The following LPAR2 variants were observed in gnomAD, a reference collection of about 807,000 sequenced individuals.
LPAR2 encodes lysophosphatidic acid receptor 2, also known as G protein-coupled receptor.
In LPAR2, 10 loss-of-function variants were observed where a neutral mutation model predicts 15.6. That is an observed-to-expected ratio of 0.64 (90% confidence interval 0.39 to 1.09). The LOEUF (loss-of-function observed/expected upper bound fraction) is 1.09, where lower values mean the gene tolerates loss of function less well. Ranked by LOEUF, LPAR2 falls within the 50% of genes least tolerant of loss-of-function variation. LPAR2 has a pLI of 0.01. For missense variants in LPAR2, 413 were observed against 484.6 expected (o/e 0.85, Z 1.39); for synonymous variants, 204 against 207.4 (o/e 0.98, Z 0.14).
chr19:19,625,118 C>G (rs912418240), intron 2 of LPAR2, among the ~76,000 whole-genome samples: 1 of 151,912 alleles, frequency 6.6e-6, no homozygotes, highest in Admixed American at 6.6e-5. Flanking sequence ...CTGCGCCTGG[C>G]CTGTGTGTTT....
intron 2 of LPAR2, 101 bp from the exon 3 acceptor site, chr19:19,624,670 G>C: frequency 1.1e-6 from 1 of 945,964 alleles, no homozygotes; most frequent in Non-Finnish European, 1.6e-6. Context: ...TCGAGCAATA[G>C]TGGTGAAGTT....
At chr19:19,625,142 G>A (rs1346706741) in intron 2 of LPAR2, among the ~76,000 whole-genome samples, 1 of 151,792 alleles carries the variant, frequency 6.6e-6, no homozygotes, top group Non-Finnish European at 1.5e-5. Flanking sequence ...TTTGAGACAG[G>A]GTCTCCTTCT....
chr19:19,626,420 T>G lies in LPAR2; in HGVS notation c.742+123A>C, dbSNP rs961931842. 8.0e-7 allele frequency: 1 copy of G among 1,242,708 alleles called. No individual in the cohort carries two copies. The allele number at this position is 1,242,708 out of a possible 1,614,324, so 77.0% of individuals were successfully genotyped here. Reference sequence around the variant, plus strand: ...ACATTATCACCTCCTTGGAGGACATTCCCCACCTAAATCATCCCCCATCAC... The same window carrying G: ...ACATTATCACCTCCTTGGAGGACATGCCCCACCTAAATCATCCCCCATCAC... On this transcript the variant is annotated intron_variant, in intron 2 of 2. Transcript: ENST00000407877. This position sits in a 1 kb window ranked among gnomAD's most constrained non-coding sequence, Gnocchi z 5.3.
In LPAR2 at chr19:19,626,649, G is replaced by T; in HGVS notation, c.636C>A (p.Phe212Leu). The stretch of plus-strand genomic sequence containing the variant: ...GCTGCACTCGCCGCCGCACGTAGAA[G>T]AAAATGCGGGTGTACACAGCCACCA... The change falls in exon 2 of 3, where the codon TTC becomes TTA. Residue 212 changes from phenylalanine (F) to leucine (L), a missense_variant. By Grantham distance (22) the Phe-to-Leu change is conservative. Transcript: ENST00000407877. The surrounding 1 kb of genome is among the most constrained non-coding windows in gnomAD (Gnocchi z 5.3). 6.2e-7 allele frequency: 1 copy of T among 1,613,460 alleles called. No individual in the cohort carries two copies. Among genetic ancestry groups the T allele is most frequent in the Non-Finnish European group, 8.5e-7 (1 of 1,180,042 alleles).
At chr19:19,625,723 C>T (rs1384334791) in intron 2 of LPAR2, among the ~76,000 whole-genome samples, 1 of 142,700 alleles carries the variant, frequency 7.0e-6, no homozygotes, top group Non-Finnish European at 1.5e-5. Flanking sequence ...GCAGAAGTTG[C>T]AGTGAGCCGA....
rs776645864 is a variant in LPAR2 at position 19,627,031 on chromosome 19, T to C, written c.254A>G (p.Tyr85Cys). The C allele has an allele frequency of 1.9e-6, 3 of 1,613,636 alleles. No individual in the cohort carries two copies. Among genetic ancestry groups the C allele is most frequent in the South Asian group, 1.1e-5 (1 of 91,056 alleles). ...ACCAGTGTGGAACATGAGGAAGAGG[T>C]AGGCCACGCCCGCGAAGAGGTCAGC... Residue 85 changes from tyrosine to cysteine, a missense_variant, in exon 2 of 3, where the codon TAC becomes TGC. Tyr to Cys is a radical substitution (Grantham distance 194). Transcript: ENST00000407877. This position sits in a 1 kb window ranked among gnomAD's most constrained non-coding sequence, Gnocchi z 4.7.
Position 19,626,637 on chromosome 19 carries a change from C to G in LPAR2, c.648G>C (p.Arg216=). Residue 216 remains arginine (R), a synonymous_variant, in exon 2 of 3, where the codon CGG becomes CGC. Coordinates refer to ENST00000407877, the MANE Select transcript of LPAR2 (RefSeq NM_004720.7). This position sits in a 1 kb window ranked among gnomAD's most constrained non-coding sequence, Gnocchi z 5.3. ...GCTCTGCCATGCGCTGCACTCGCCG[C>G]CGCACGTAGAAGAAAATGCGGGTGT... 1 of 1,613,372 alleles carries G rather than the reference C, an allele frequency of 6.2e-7. No homozygotes were observed. Among genetic ancestry groups the G allele is most frequent in the Non-Finnish European group, 8.5e-7 (1 of 1,180,042 alleles).
In LPAR2 at chr19:19,626,533, C is replaced by A. The variant is rs1476596486; in HGVS notation, c.742+10G>T. On this transcript the variant is annotated intron_variant, in intron 2 of 2. Coordinates refer to ENST00000407877, the MANE Select transcript of LPAR2 (RefSeq NM_004720.7). The surrounding 1 kb of genome is among the most constrained non-coding windows in gnomAD (Gnocchi z 5.3). ...CAGGGTCCCTGTTGCCCCCTGGGGG[C>A]CCCACTTACCCAGGATGATGACAAC... The A allele has an allele frequency of 6.3e-7, 1 of 1,581,600 alleles. No individual in the cohort carries two copies. The highest frequency in any genetic ancestry group is 1.7e-4 in the Middle Eastern group (1 of 5,860).
In LPAR2 at chr19:19,626,470, T is replaced by A. The variant is rs920576484; in HGVS notation, c.742+73A>T. ...CCCTCTATCAGGTAGCTTGTTTTGT[T>A]CATTGCTTCGCAGTGTCTTGTGGGA... On this transcript the variant is annotated intron_variant, in intron 2 of 2. Transcript: ENST00000407877. This position sits in a 1 kb window ranked among gnomAD's most constrained non-coding sequence, Gnocchi z 5.3. 5 of 1,513,778 alleles carry A rather than the reference T, an allele frequency of 3.3e-6. No individual in the cohort carries two copies. In the African/African-American group the frequency reaches 5.6e-5, roughly 17 times the overall value. 93.8% of individuals were successfully genotyped at this position (1,513,778 alleles called of 1,614,324 possible). A position where few individuals can be genotyped will look rare whatever the true frequency, so the allele number is the denominator to read the frequency against.
rs145570005 is a variant in LPAR2 at position 19,624,392 on chromosome 19, C to A, written c.920G>T (p.Arg307Leu). 1 of 1,614,140 alleles carries A rather than the reference C, an allele frequency of 6.2e-7. No homozygotes were observed. The highest frequency in any genetic ancestry group is 8.5e-7 in the Non-Finnish European group (1 of 1,180,034). The change falls in exon 3 of 3, where the codon CGC becomes CTC. Residue 307 changes from arginine to leucine, a missense_variant. Coordinates refer to ENST00000407877, the MANE Select transcript of LPAR2 (RefSeq NM_004720.7). ...GAGGCACGCGCAGCAGAGAAGGCGG[C>A]GGAAGGTGCGGCGCATCTCAGCATC...
Position 19,624,392 on chromosome 19 carries a change from C to G in LPAR2, c.920G>C (p.Arg307Pro). 6.2e-7 allele frequency: 1 copy of G among 1,614,140 alleles called. No homozygotes were observed. Among genetic ancestry groups the G allele is most frequent in the Non-Finnish European group, 8.5e-7 (1 of 1,180,034 alleles). ...GAGGCACGCGCAGCAGAGAAGGCGGCGGAAGGTGCGGCGCATCTCAGCATC... is the reference window on the plus strand; with the variant it reads ...GAGGCACGCGCAGCAGAGAAGGCGGGGGAAGGTGCGGCGCATCTCAGCATC... The change falls in exon 3 of 3, where the codon CGC becomes CCC. Residue 307 changes from arginine (R) to proline (P), a missense_variant. By Grantham distance (103) the Arg-to-Pro change is moderately radical. Coordinates refer to ENST00000407877, the MANE Select transcript of LPAR2 (RefSeq NM_004720.7).
At position 19,624,459 on chromosome 19, in the gene LPAR2, C is replaced by T. The variant is rs761597801; in HGVS notation, c.853G>A (p.Glu285Lys). ...GCAGCATTGACCAGGGAGTTGGCCT[C>T]GGCCAACAGTAGGAAGTACTTTTCT... The change falls in exon 3 of 3, where the codon GAG (glutamate) becomes AAG (lysine). Residue 285 changes from glutamate (E) to lysine (K), a missense_variant. Glu to Lys is a moderately conservative substitution (Grantham distance 56). Coordinates refer to ENST00000407877, the MANE Select transcript of LPAR2 (RefSeq NM_004720.7). 5 of 1,613,916 alleles carry T rather than the reference C, an allele frequency of 3.1e-6. No individual in the cohort carries two copies. Among genetic ancestry groups the T allele is most frequent in the Non-Finnish European group, 4.2e-6 (5 of 1,179,972 alleles).
Position 19,624,017 on chromosome 19 carries a change from G to C in LPAR2, c.*239C>G, listed in dbSNP as rs1190501273. ...TTACAAACCCCCTAAACCTGAGATG[G>C]CTGAAGAGCCAGATTCCTGCACCCC... is the stretch of plus-strand genomic sequence containing the variant. On this transcript the variant is annotated 3_prime_UTR_variant, in exon 3 of 3. Transcript: ENST00000407877. 1 of 556,918 alleles carries C rather than the reference G, an allele frequency of 1.8e-6. No homozygotes were observed. The highest frequency in any genetic ancestry group is 3.2e-6 in the Non-Finnish European group (1 of 312,438). 34.5% of individuals were successfully genotyped at this position (556,918 alleles called of 1,614,324 possible). A position where few individuals can be genotyped will look rare whatever the true frequency, so the allele number is the denominator to read the frequency against.
chr19:19,627,421 G>C lies in LPAR2; in HGVS notation c.1-137C>G. Reference sequence around the variant, plus strand: ...CCTCGAAGCAAAGTGGCAGTGGTGAGGACTACGGTGGCCTGGAAAAAGCAA... The same window carrying C: ...CCTCGAAGCAAAGTGGCAGTGGTGACGACTACGGTGGCCTGGAAAAAGCAA... On this transcript the variant is annotated intron_variant, in intron 1 of 2. Coordinates refer to ENST00000407877, the MANE Select transcript of LPAR2 (RefSeq NM_004720.7). The surrounding 1 kb of genome is among the most constrained non-coding windows in gnomAD (Gnocchi z 4.7). The C allele has an allele frequency of 1.2e-6, 1 of 854,076 alleles. No individual in the cohort carries two copies. The highest frequency in any genetic ancestry group is 1.8e-6 in the Non-Finnish European group (1 of 552,624). 52.9% of individuals were successfully genotyped at this position (854,076 alleles called of 1,614,324 possible). A position where few individuals can be genotyped will look rare whatever the true frequency, so the allele number is the denominator to read the frequency against.
chr19:19,626,553 G>T lies in LPAR2; in HGVS notation c.732C>A (p.Val244=). The T allele has an allele frequency of 6.3e-7, 1 of 1,599,866 alleles. No individual in the cohort carries two copies. The highest frequency in any genetic ancestry group is 1.1e-5 in the South Asian group (1 of 89,710). ...GGGGGCCCCACTTACCCAGGATGATGACAACAGTCTTGACCAGGCTGAGCG... is the reference window on the plus strand; with the variant it reads ...GGGGGCCCCACTTACCCAGGATGATTACAACAGTCTTGACCAGGCTGAGCG... Residue 244 remains valine, a synonymous_variant, in exon 2 of 3, where the codon GTC becomes GTA. Transcript: ENST00000407877. This position sits in a 1 kb window ranked among gnomAD's most constrained non-coding sequence, Gnocchi z 5.3.
Position 19,624,335 on chromosome 19 carries a change from GT to G in LPAR2, c.976del (p.Thr326HisfsTer21), listed in dbSNP as rs2061729108. ...GCTGGCACCTCCCTGGGCAGAGGATGTATAGTGGACAGACTCGCGGGTGGAC... is the reference window on the plus strand; with the variant it reads ...GCTGGCACCTCCCTGGGCAGAGGATGATAGTGGACAGACTCGCGGGTGGAC... On this transcript the variant is annotated frameshift_variant, in exon 3 of 3. Transcript: ENST00000407877. LOFTEE classifies it low-confidence loss of function (END_TRUNC). 1 of 1,614,116 alleles carries G rather than the reference GT, an allele frequency of 6.2e-7. No individual in the cohort carries two copies. The highest frequency in any genetic ancestry group is 1.3e-5 in the African/African-American group (1 of 74,952).
chr19:19,627,669 G>A lies in LPAR2; in HGVS notation c.1-385C>T. The A allele has an allele frequency of 1.5e-5, 4 of 264,720 alleles. No individual in the cohort carries two copies. The allele number at this position is 264,720 out of a possible 1,614,324, so 16.4% of individuals were successfully genotyped here. A position where few individuals can be genotyped will look rare whatever the true frequency, so the allele number is the denominator to read the frequency against. On this transcript the variant is annotated intron_variant, in intron 1 of 2. Transcript: ENST00000407877. This position sits in a 1 kb window ranked among gnomAD's most constrained non-coding sequence, Gnocchi z 4.7. ...CAAAGGGGTGTGAGCTGCGGGAAGA[G>A]ATGAGGGAGGATCACTTTGGTGCCG...
Position 19,624,426 on chromosome 19 carries a change from A to G in LPAR2, c.886T>C (p.Ser296Pro). Residue 296 changes from serine to proline, a missense_variant, in exon 3 of 3, where the codon TCT (serine) becomes CCT (proline). Transcript: ENST00000407877. Reference sequence around the variant, plus strand: ...CGGCGCATCTCAGCATCTCGGCAAGAGTACACAGCAGCATTGACCAGGGAG... The same window carrying G: ...CGGCGCATCTCAGCATCTCGGCAAGGGTACACAGCAGCATTGACCAGGGAG... 1 of 1,614,166 alleles carries G rather than the reference A, an allele frequency of 6.2e-7. No individual in the cohort carries two copies. The highest frequency in any genetic ancestry group is 8.5e-7 in the Non-Finnish European group (1 of 1,180,036).
rs771158416 is a variant in LPAR2, at chr19:19,624,430, C to T, written c.882G>A (p.Val294=). 24 of 1,614,046 alleles carry T rather than the reference C, an allele frequency of 1.5e-5. No individual in the cohort carries two copies. The highest frequency in any genetic ancestry group is 2.2e-5 in the South Asian group (2 of 91,090). Residue 294 remains valine (V), a synonymous_variant, in exon 3 of 3, where the codon GTG becomes GTA. Coordinates refer to ENST00000407877, the MANE Select transcript of LPAR2 (RefSeq NM_004720.7). ...GCATCTCAGCATCTCGGCAAGAGTA[C>T]ACAGCAGCATTGACCAGGGAGTTGG...
Sources: allele counts gnomAD v4.1 joint callset (sites outside exome capture counted in the v4.1 genomes callset), GRCh38; gene constraint gnomAD v4.1.1; non-coding constraint Gnocchi (gnomAD v3.1); transcripts MANE v1.5; gene names NCBI Gene and HGNC (gene_info 2026-07-23, HGNC 2026-07-21).